Variants in TCF7 observed in about 807,000 individuals in gnomAD.
The protein encoded by TCF7 is T-cell-factor-7.
In TCF7, 19 loss-of-function variants were observed where a neutral mutation model predicts 46.8. That is an observed-to-expected ratio of 0.41 (90% CI 0.28 to 0.60). TCF7 has a LOEUF of 0.60. Ranked by LOEUF, TCF7 falls within the 20% of genes least tolerant of loss-of-function variation. TCF7 has a pLI of 0.35. For missense variants in TCF7, 547 were observed against 504.6 expected, an observed-to-expected ratio of 1.08 and a Z score of -0.81; for synonymous variants, 245 against 213.4, an observed-to-expected ratio of 1.15 and a Z score of -1.29.
intron 6 of TCF7, 124 bp downstream of exon 6, chr5:134,142,428 AT>A (rs1759960508): frequency 2.0e-6 from 1 of 511,184 alleles, no homozygotes; most frequent in Non-Finnish European, 2.7e-6. Context: ...TATGTTTTTG[AT>A]CCTCAGAAGT....
chr5:134,145,424 G>A (rs1300056049), intron 9 of TCF7: 3 of 561,622 alleles, frequency 5.3e-6, no homozygotes, highest in East Asian at 4.3e-5. Context: ...GGTACCCTGG[G>A]CTGTCTGAGG....
intron 9 of TCF7, chr5:134,145,013 A>G: frequency 1.4e-6 from 1 of 712,348 alleles, no homozygotes; most frequent in Non-Finnish European, 2.5e-6. Flanking sequence ...GCCTCCTGAG[A>G]ATAGTAGTAA....
At chr5:134,124,586 C>T (rs780718318) in intron 3 of TCF7, among the ~76,000 whole-genome samples, 9 of 152,168 alleles carry the variant, frequency 5.9e-5, no homozygotes, top group Non-Finnish European at 1.2e-4. Flanking sequence ...AAAGCCCTCA[C>T]CCCGCAGCCC....
chr5:134,127,184 C>A (rs986883155), intron 3 of TCF7, among the ~76,000 whole-genome samples: 1 of 152,184 alleles, frequency 6.6e-6, no homozygotes, highest in Admixed American at 6.5e-5. Context: ...TCCTCTGGCC[C>A]CAGAGAAAGG....
chr5:134,113,913 C>G (rs1755445121), upstream of TCF7, among the ~76,000 whole-genome samples: 1 of 152,212 alleles, frequency 6.6e-6, no homozygotes, highest in African/African-American at 2.4e-5. Context: ...GCCCACGTGG[C>G]TGCCCAAAGT....
rs2149367505 is a variant in TCF7 at position 134,147,373 on chromosome 5, ATTCCAT to A, written c.*1076_*1081del. 1 of 152,498 alleles carries A rather than the reference ATTCCAT, an allele frequency of 6.6e-6. No individual in the cohort carries two copies. Among genetic ancestry groups the A allele is most frequent in the East Asian group, 1.9e-4 (1 of 5,190 alleles). The allele number at this position is 152,498 out of a possible 1,614,324, so 9.4% of individuals were successfully genotyped here. ...CCCCATTCACAGAGCCTTTTTCACAATTCCATTTCCAGTTCATCTATGGCAGTCCAG... is the reference window on the plus strand; with the variant it reads ...CCCCATTCACAGAGCCTTTTTCACAATTCCAGTTCATCTATGGCAGTCCAG... On this transcript the variant is annotated 3_prime_UTR_variant, in exon 10 of 10. Coordinates refer to ENST00000342854, the MANE Select transcript of TCF7 (RefSeq NM_003202.5).
chr5:134,118,408 G>A (rs1049217444), intron 3 of TCF7, among the ~76,000 whole-genome samples: 8 of 152,216 alleles, frequency 5.3e-5, no homozygotes, highest in African/African-American at 1.7e-4. Flanking sequence ...CTTATGCTGA[G>A]AGGCTTGAGG....
Position 134,143,573 on chromosome 5 carries a change from C to CT in TCF7, c.1027-18dup. ...GTCTGCCTCCCAGATCTGAGCATCC[C>CT]TCCTTTTGTTCCCTGCAGGGGAAGA... On this transcript the variant is annotated intron_variant, in intron 8 of 9. Transcript: ENST00000342854. 3.1e-6 allele frequency: 5 copies of CT among 1,614,108 alleles called. No individual in the cohort carries two copies. Among genetic ancestry groups the CT allele is most frequent in the Non-Finnish European group, 2.5e-6 (3 of 1,180,008 alleles).
chr5:134,125,844 G>C (rs909575473), intron 3 of TCF7, among the ~76,000 whole-genome samples: 6 of 152,230 alleles, frequency 3.9e-5, no homozygotes, highest in Admixed American at 2.0e-4. Context: ...CTAAGCAGGA[G>C]GCAGGGCAGC....
intron 2 of TCF7, 167 bp from the exon 3 acceptor site, chr5:134,115,742 G>T: frequency 6.9e-7 from 1 of 1,449,788 alleles, no homozygotes. Context: ...CTGCCCTCCA[G>T]GTCCTTCCCC....
At position 134,142,731 on chromosome 5, in the gene TCF7, G is replaced by A. The variant is rs1174422122; in HGVS notation, c.766G>A (p.Ala256Thr). The A allele has an allele frequency of 8.7e-6, 14 of 1,613,958 alleles. No individual in the cohort carries two copies. Among genetic ancestry groups the A allele is most frequent in the Non-Finnish European group, 1.0e-5 (12 of 1,179,978 alleles). Residue 256 changes from alanine to threonine, a missense_variant, in exon 7 of 10, where the codon GCA becomes ACA. Physicochemically the swap from Ala to Thr is moderately conservative, Grantham distance 58. Coordinates refer to ENST00000342854, the MANE Select transcript of TCF7 (RefSeq NM_003202.5). ...QPFDRNLKTQAESKAEKEAKK... is the reference protein window; with the variant it reads ...QPFDRNLKTQTESKAEKEAKK... ...ATTTGTGCCCCTCAGGAAGACACAAGCAGAGTCCAAGGCAGAGAAGGAGGC... is the reference window on the plus strand; with the variant it reads ...ATTTGTGCCCCTCAGGAAGACACAAACAGAGTCCAAGGCAGAGAAGGAGGC...
chr5:134,131,115 G>A (rs17167286), intron 3 of TCF7, among the ~76,000 whole-genome samples: 7,169 of 152,214 alleles, frequency 0.047, 486 homozygotes, highest in African/African-American at 0.15. Context: ...TGCTCCAAGC[G>A]GAGGGAATCA....
In TCF7 at chr5:134,114,922, T is replaced by C. The variant is rs1755587923; in HGVS notation, c.16T>C (p.Ser6Pro). 3 of 1,055,386 alleles carry C rather than the reference T, an allele frequency of 2.8e-6. No homozygotes were observed. The highest frequency in any genetic ancestry group is 3.4e-6 in the Non-Finnish European group (3 of 869,934). 65.4% of individuals were successfully genotyped at this position (1,055,386 alleles called of 1,614,324 possible). A position where few individuals can be genotyped will look rare whatever the true frequency, so the allele number is the denominator to read the frequency against. Residue 6 changes from serine (S) to proline (P), a missense_variant, in exon 1 of 10, where the codon TCC (serine) becomes CCC (proline). Ser to Pro is a moderately conservative substitution (Grantham distance 74). Coordinates refer to ENST00000342854, the MANE Select transcript of TCF7 (RefSeq NM_003202.5). MPQLD[S>P]GGGGAGGGDD... ...GGAGCGCACCATGCCGCAGCTGGACTCCGGCGGGGGCGGCGCGGGCGGCGG... is the reference window on the plus strand; with the variant it reads ...GGAGCGCACCATGCCGCAGCTGGACCCCGGCGGGGGCGGCGCGGGCGGCGG...
the TCF7 span, among the ~76,000 whole-genome samples, chr5:134,108,746 G>A: frequency 6.6e-6 from 1 of 152,252 alleles, no homozygotes; most frequent in East Asian, 1.9e-4. Flanking sequence ...ACTGAGACAT[G>A]AAAAGGTGCC....
At chr5:134,121,503 C>T (rs536213887) in intron 3 of TCF7, among the ~76,000 whole-genome samples, 7 of 151,342 alleles carry the variant, frequency 4.6e-5, no homozygotes, top group Admixed American at 2.0e-4. Flanking sequence ...GCAGGAGAAT[C>T]GCTTGAACCC....
At chr5:134,133,881 A>G (rs1305789231) in intron 3 of TCF7, among the ~76,000 whole-genome samples, 2 of 152,212 alleles carry the variant, frequency 1.3e-5, no homozygotes, top group African/African-American at 4.8e-5. Context: ...AGCACTGCCC[A>G]TCACATGCAT....
At chr5:134,145,209 C>T (rs988439302) in intron 9 of TCF7, 10 of 577,622 alleles carry the variant, frequency 1.7e-5, no homozygotes, top group African/African-American at 1.7e-4. Flanking sequence ...GCCCATTCTA[C>T]CAGGCCTCAA....
intron 3 of TCF7, among the ~76,000 whole-genome samples, chr5:134,133,416 G>A (rs530269999): frequency 4.5e-4 from 69 of 152,240 alleles, no homozygotes; most frequent in Middle Eastern, 3.4e-3. Context: ...CCATCAGGGA[G>A]AGCAGGGGAG....
At chr5:134,138,745 C>CCT (rs1309766619) in intron 4 of TCF7, 1 of 742,142 alleles carries the variant, frequency 1.3e-6, no homozygotes, top group Non-Finnish European at 2.1e-6. Context: ...GGCAAGTCAC[C>CCT]CCAGCCCTCT....
Sources: allele counts gnomAD v4.1 joint callset (sites outside exome capture counted in the v4.1 genomes callset), GRCh38; gene constraint gnomAD v4.1.1; transcripts MANE v1.5; gene names NCBI Gene and HGNC (gene_info 2026-07-23, HGNC 2026-07-21).